INSYN2A: variants seen among roughly 807,000 people sequenced by gnomAD.
INSYN2A encodes the protein family with sequence similarity 196 member A.
INSYN2A carries 17 observed loss-of-function variants against 39.4 expected under a neutral mutation model. The ratio of observed to expected loss-of-function variants is 0.43; its 90% CI spans 0.30 to 0.65. The LOEUF is 0.65. Among genes scored for constraint, INSYN2A ranks in the 30% least tolerant of loss-of-function variants. The pLI is 0.14. For synonymous variants in INSYN2A, 255 were observed against 265.7 expected (o/e 0.96, Z 0.39); for missense variants, 595 against 631.2 (o/e 0.94, Z 0.61).
intron 1 of INSYN2A, among the ~76,000 whole-genome samples, chr10:127,195,480 C>T (rs1240592271): frequency 2.0e-5 from 3 of 152,180 alleles, no homozygotes; most frequent in Non-Finnish European, 2.9e-5. Context: ...CTGCTCGCGC[C>T]TCTCCTCAAC....
At chr10:127,166,340 C>G (rs964528637) in intron 4 of INSYN2A, among the ~76,000 whole-genome samples, 3 of 152,188 alleles carry the variant, frequency 2.0e-5, no homozygotes, top group Non-Finnish European at 2.9e-5. Flanking sequence ...GCTGGGATTA[C>G]AGGCGTGAGC....
intron 5 of INSYN2A, among the ~76,000 whole-genome samples, chr10:127,138,578 C>T (rs1009405012): frequency 2.6e-5 from 4 of 152,152 alleles, no homozygotes; most frequent in Non-Finnish European, 4.4e-5. Flanking sequence ...TAGTGCCCAA[C>T]GCTGGGGAAA....
chr10:127,141,970 C>T (rs1300094178), intron 5 of INSYN2A, among the ~76,000 whole-genome samples: 8 of 152,232 alleles, frequency 5.3e-5, no homozygotes, highest in Non-Finnish European at 1.0e-4. Context: ...CCCTCCTTTC[C>T]GTCTTCTAGG....
intron 4 of INSYN2A, among the ~76,000 whole-genome samples, chr10:127,162,468 A>C (rs1305842859): frequency 1.3e-5 from 2 of 152,178 alleles, no homozygotes; most frequent in African/African-American, 4.8e-5. Flanking sequence ...TTACTTAGCA[A>C]TGATGTTTGG....
chr10:127,159,458 A>G (rs2053395338), intron 4 of INSYN2A, among the ~76,000 whole-genome samples: 1 of 152,152 alleles, frequency 6.6e-6, no homozygotes, highest in Non-Finnish European at 1.5e-5. Context: ...ATAAATATAT[A>G]TACTTGTATA....
chr10:127,149,269 G>T (rs1462546331), intron 5 of INSYN2A, among the ~76,000 whole-genome samples: 2 of 152,056 alleles, frequency 1.3e-5, no homozygotes, highest in African/African-American at 4.8e-5. Flanking sequence ...CAAGAGAGAG[G>T]GCAGAGAAGC....
At chr10:127,145,061 C>T (rs916427038) in intron 5 of INSYN2A, among the ~76,000 whole-genome samples, 27 of 152,144 alleles carry the variant, frequency 1.8e-4, no homozygotes, top group African/African-American at 5.1e-4. Context: ...GGATGTTTTC[C>T]GTGACCATAC....
At chr10:127,193,631 C>T (rs1191138926) in intron 1 of INSYN2A, among the ~76,000 whole-genome samples, 2 of 152,176 alleles carry the variant, frequency 1.3e-5, no homozygotes, top group Admixed American at 6.5e-5. Flanking sequence ...CACTGCGATC[C>T]GTTGTTATTT....
At chr10:127,150,374 A>C (rs201678968) in intron 5 of INSYN2A, among the ~76,000 whole-genome samples, 1 of 62,588 alleles carries the variant, frequency 1.6e-5, no homozygotes, top group African/African-American at 2.8e-5. Context: ...CCCTGAGGGA[A>C]GTGACCCTGT....
intron 4 of INSYN2A, among the ~76,000 whole-genome samples, chr10:127,160,839 A>G (rs2053536077): frequency 6.6e-6 from 1 of 152,196 alleles, no homozygotes; most frequent in Non-Finnish European, 1.5e-5. Context: ...ACTGGATGCA[A>G]CAACCGTTTT....
intron 2 of INSYN2A, among the ~76,000 whole-genome samples, chr10:127,186,312 A>G (rs1235622955): frequency 1.3e-5 from 2 of 152,192 alleles, no homozygotes; most frequent in African/African-American, 2.4e-5. Flanking sequence ...GCAGAAGGCA[A>G]AGGAGAAGCA....
At chr10:127,172,520 G>A (rs755129862) in intron 4 of INSYN2A, among the ~76,000 whole-genome samples, 3 of 152,150 alleles carry the variant, frequency 2.0e-5, no homozygotes, top group Non-Finnish European at 2.9e-5. Context: ...TGGAGAAGAC[G>A]GGTGGGAAAT....
In INSYN2A at chr10:127,175,912, A is replaced by G. The variant is rs200216671; in HGVS notation, c.484T>C (p.Cys162Arg). ...GTCTTGTGCACCCGCCCCGCGCCACATGGCCGGGCCTCCTCCATGGGTCCA... is the reference window on the plus strand; with the variant it reads ...GTCTTGTGCACCCGCCCCGCGCCACGTGGCCGGGCCTCCTCCATGGGTCCA... ...EAGPMEEARP[C>R]GAGRVHKTTA... Residue 162 changes from cysteine (C) to arginine (R), a missense_variant, in exon 4 of 6, where the codon TGT becomes CGT. Cys to Arg is a radical substitution (Grantham distance 180). This residue lies in a region of INSYN2A where 478 missense variants were observed against 467.4 expected (regional missense o/e 1.02). Coordinates refer to ENST00000522781, the MANE Select transcript of INSYN2A (RefSeq NM_001039762.3). The surrounding 1 kb of genome is among the most constrained non-coding windows in gnomAD (Gnocchi z 6.3). 10 of 1,614,158 alleles carry G rather than the reference A, an allele frequency of 6.2e-6. No individual in the cohort carries two copies. Among genetic ancestry groups the G allele is most frequent in the South Asian group, 1.1e-5 (1 of 91,082 alleles).
rs1422338473 is a variant in INSYN2A, at chr10:127,136,030, CAAA to C, written c.*1804_*1806del. ...ATCAACTTCCTCATTGTTCTTGCACCAAAATATTTCTCAGTTCCTTTTATTGAT... is the reference window on the plus strand; with the variant it reads ...ATCAACTTCCTCATTGTTCTTGCACCATATTTCTCAGTTCCTTTTATTGAT... On this transcript the variant is annotated 3_prime_UTR_variant, in exon 6 of 6. Coordinates refer to ENST00000522781, the MANE Select transcript of INSYN2A (RefSeq NM_001039762.3). 1 of 152,574 alleles carries C rather than the reference CAAA, an allele frequency of 6.6e-6. No homozygotes were observed. Among genetic ancestry groups the C allele is most frequent in the African/African-American group, 2.4e-5 (1 of 41,438 alleles). The allele number at this position is 152,574 out of a possible 1,614,324, so 9.5% of individuals were successfully genotyped here. A position where few individuals can be genotyped will look rare whatever the true frequency, so the allele number is the denominator to read the frequency against.
intron 2 of INSYN2A, among the ~76,000 whole-genome samples, chr10:127,180,164 A>AT (rs2055591326): frequency 1.3e-5 from 2 of 152,222 alleles, no homozygotes; most frequent in African/African-American, 2.4e-5. Flanking sequence ...CATCTGAGCA[A>AT]TGCCCTTGTC....
chr10:127,143,443 C>T (rs979040761), intron 5 of INSYN2A, among the ~76,000 whole-genome samples: 8 of 152,210 alleles, frequency 5.3e-5, no homozygotes, highest in Admixed American at 3.3e-4. Context: ...AATCACCTCA[C>T]CTTGGGGACC....
rs545082238 is a variant in INSYN2A at position 127,192,173 on chromosome 10, T to A, written c.-269+432A>T. On this transcript the variant is annotated intron_variant, in intron 2 of 5. Coordinates refer to ENST00000522781, the MANE Select transcript of INSYN2A (RefSeq NM_001039762.3). ...CTTTTCTTTTTTTGCTCAAACTTCC[T>A]AACAGCAGGATAGTGTGGTAAAGAG... 7.2e-5 allele frequency among the ~76,000 whole-genome samples: 11 copies of A among 152,328 alleles called. No homozygotes were observed. The South Asian group carries it at 2.3e-3, about 32-fold the overall frequency.
intron 1 of INSYN2A, 120 bp from the exon 2 acceptor site, chr10:127,192,850 A>G (rs2056849575): frequency 6.6e-6 from 1 of 152,206 alleles, no homozygotes; most frequent in African/African-American, 2.4e-5. Flanking sequence ...CAGGGTCCCT[A>G]TAGTTTGGTT....
At chr10:127,180,474 G>A (rs574373362) in intron 2 of INSYN2A, among the ~76,000 whole-genome samples, 1 of 152,302 alleles carries the variant, frequency 6.6e-6, no homozygotes, top group Admixed American at 6.5e-5. Context: ...AAAATGGCTA[G>A]TCATGGTTGT....
Sources: allele counts gnomAD v4.1 joint callset (sites outside exome capture counted in the v4.1 genomes callset), GRCh38; gene constraint gnomAD v4.1.1; regional missense constraint gnomAD v4.1.1; non-coding constraint Gnocchi (gnomAD v3.1); transcripts MANE v1.5; gene names NCBI Gene and HGNC (gene_info 2026-07-23, HGNC 2026-07-21).